The following SNRPN variants were observed in gnomAD, a reference collection of about 807,000 sequenced individuals.
SNRPN encodes the protein small nuclear ribonucleoprotein polypeptide N.
A neutral mutation model predicts 25.2 loss-of-function variants in SNRPN; 7 were observed. The ratio of observed to expected loss-of-function variants is 0.28; its 90% CI spans 0.16 to 0.52. The LOEUF (loss-of-function observed/expected upper bound fraction) is 0.52, where lower values mean the gene tolerates loss of function less well. SNRPN is among the 20% of genes least tolerant of loss of function. The pLI is 0.96. For missense variants in SNRPN, 196 were observed against 322.5 expected, an observed-to-expected ratio of 0.61 and a Z score of 3.00; for synonymous variants, 124 against 110.6, an observed-to-expected ratio of 1.12 and a Z score of -0.76.
chr15:24,874,473 C>A (rs369540723), intron 1 of SNRPN, among the ~76,000 whole-genome samples: 3 of 152,008 alleles, frequency 2.0e-5, no homozygotes, highest in Non-Finnish European at 4.4e-5. Context: ...GTCTATCCAC[C>A]GTGGGTTTAT....
chr15:24,879,128 G>A (rs904490649), intron 1 of SNRPN, among the ~76,000 whole-genome samples: 2 of 152,036 alleles, frequency 1.3e-5, no homozygotes, highest in South Asian at 4.1e-4. Flanking sequence ...TTTCCGCCAC[G>A]TATTCTTTTG....
intron 3 of SNRPN, among the ~76,000 whole-genome samples, chr15:24,933,722 G>A (rs72693699): frequency 5.3e-5 from 8 of 152,370 alleles, no homozygotes; most frequent in Non-Finnish European, 8.8e-5. Flanking sequence ...AGGAGAAACA[G>A]AAGAGGAGAC....
chr15:24,948,242 T>C (rs1048690660), intron 3 of SNRPN, among the ~76,000 whole-genome samples: 6 of 152,074 alleles, frequency 3.9e-5, no homozygotes, highest in African/African-American at 1.4e-4. Context: ...GCCTCCTGAG[T>C]AGCTGGGACT....
At chr15:24,877,661 AACACACACACACACAC>A (rs72120147) in intron 1 of SNRPN, among the ~76,000 whole-genome samples, 16 of 144,760 alleles carry the variant, frequency 1.1e-4, no homozygotes, top group South Asian at 2.2e-4. Flanking sequence ...ATCTCTACAA[AACACACACACACACAC>A]ACACACACAC....
intron 2 of SNRPN, among the ~76,000 whole-genome samples, chr15:24,903,576 C>T (rs2058602414): frequency 6.6e-6 from 1 of 152,138 alleles, no homozygotes; most frequent in Admixed American, 6.6e-5. Context: ...TCCATTCATG[C>T]TTTCCAATGG....
intron 2 of SNRPN, chr15:24,910,840 G>C (rs1013696085): frequency 1.8e-6 from 1 of 566,184 alleles, no homozygotes; most frequent in Non-Finnish European, 3.1e-6. Flanking sequence ...TTATTGAGAT[G>C]GTTTCCCACT....
intron 2 of SNRPN, among the ~76,000 whole-genome samples, chr15:24,894,746 G>C (rs979025680): frequency 6.6e-6 from 1 of 152,174 alleles, no homozygotes; most frequent in African/African-American, 2.4e-5. Flanking sequence ...AGATCTGGGA[G>C]AGCTGACTTT....
intron 2 of SNRPN, among the ~76,000 whole-genome samples, chr15:24,889,601 G>C (rs1428788612): frequency 1.3e-5 from 2 of 151,006 alleles, no homozygotes; most frequent in South Asian, 2.1e-4. Flanking sequence ...CACCGTGCCC[G>C]GCCCTAACAC....
intron 8 of SNRPN, 76 bp downstream of exon 8, chr15:24,977,992 A>C: frequency 7.2e-7 from 1 of 1,394,092 alleles, no homozygotes; most frequent in East Asian, 2.3e-5. Context: ...ACACAGCCTG[A>C]GAGCCTAAGA....
intron 2 of SNRPN, chr15:24,850,514 T>A (rs1421076299): frequency 6.6e-6 from 1 of 152,162 alleles, no homozygotes; most frequent in Non-Finnish European, 1.5e-5. Context: ...TTTCACCATG[T>A]TTTTTGGCCA....
At chr15:24,924,851 A>G (rs1312072861) in intron 3 of SNRPN, among the ~76,000 whole-genome samples, 1 of 152,098 alleles carries the variant, frequency 6.6e-6, no homozygotes, top group African/African-American at 2.4e-5. Context: ...GGAAGAAAGA[A>G]AAGAATACCC....
intron 2 of SNRPN, among the ~76,000 whole-genome samples, chr15:24,846,136 G>A (rs1448045153): frequency 1.3e-5 from 2 of 151,542 alleles, no homozygotes; most frequent in African/African-American, 2.4e-5. Context: ...CCATTAAATT[G>A]GTATATCTTT....
At chr15:24,930,792 G>C (rs1346942010) in intron 3 of SNRPN, among the ~76,000 whole-genome samples, 1 of 151,784 alleles carries the variant, frequency 6.6e-6, no homozygotes, top group Admixed American at 6.6e-5. Flanking sequence ...CCAGCTACTC[G>C]GGAGGCTGAG....
At chr15:24,900,157 T>G (rs115059096) in intron 2 of SNRPN, among the ~76,000 whole-genome samples, 1 of 152,278 alleles carries the variant, frequency 6.6e-6, no homozygotes, top group African/African-American at 2.4e-5. Flanking sequence ...CTGTAAGGAC[T>G]GTGGGGTGGA....
intron 3 of SNRPN, among the ~76,000 whole-genome samples, chr15:24,943,696 A>T (rs2061700685): frequency 6.6e-6 from 1 of 152,136 alleles, no homozygotes; most frequent in Non-Finnish European, 1.5e-5. Flanking sequence ...ACTACAGAGG[A>T]TAGCAGGGCT....
At chr15:24,907,135 G>C (rs1222029321) in intron 2 of SNRPN, among the ~76,000 whole-genome samples, 2 of 152,180 alleles carry the variant, frequency 1.3e-5, no homozygotes, top group African/African-American at 4.8e-5. Flanking sequence ...CATCCCAAGG[G>C]AGAAGCAGAA....
Position 24,929,266 on chromosome 15 carries a change from A to G in SNRPN, c.-391+9142A>G, listed in dbSNP as rs1442913961. 6.6e-6 allele frequency among the ~76,000 whole-genome samples: 1 copy of G among 151,988 alleles called. No homozygotes were observed. Among genetic ancestry groups the G allele is most frequent in the African/African-American group, 2.4e-5 (1 of 41,398 alleles). ...GGTTTTTCCTTGCCTTCCTATTTGTAGAGCTTCCTTCCACATTAAGAACCC... is the reference window on the plus strand; with the variant it reads ...GGTTTTTCCTTGCCTTCCTATTTGTGGAGCTTCCTTCCACATTAAGAACCC... On this transcript the variant is annotated intron_variant, in intron 3 of 11. Coordinates refer to the SNRPN transcript ENST00000400097. This position sits in a 1 kb window ranked among gnomAD's most constrained non-coding sequence, Gnocchi z 5.3.
intron 3 of SNRPN, among the ~76,000 whole-genome samples, chr15:24,939,264 A>G (rs927127604): frequency 2.6e-5 from 4 of 152,142 alleles, no homozygotes; most frequent in African/African-American, 7.2e-5. Flanking sequence ...TGTGTTTTAT[A>G]GTAGCCATCC....
intron 2 of SNRPN, among the ~76,000 whole-genome samples, chr15:24,895,431 AC>A (rs2058027488): frequency 4.9e-5 from 7 of 143,602 alleles, no homozygotes; most frequent in Non-Finnish European, 1.1e-4. Flanking sequence ...ACACACACAC[AC>A]ACACACACGG....
Sources: allele counts gnomAD v4.1 joint callset (sites outside exome capture counted in the v4.1 genomes callset), GRCh38; gene constraint gnomAD v4.1.1; non-coding constraint Gnocchi (gnomAD v3.1); transcripts MANE v1.5; gene names NCBI Gene and HGNC (gene_info 2026-07-23, HGNC 2026-07-21).